The following MGMT variants were observed in gnomAD, a reference collection of about 807,000 sequenced individuals.
MGMT encodes methylated-DNA--protein-cysteine methyltransferase.
A neutral mutation model predicts 15.9 loss-of-function variants in MGMT; 14 were observed. The ratio of observed to expected loss-of-function variants is 0.88; its 90% confidence interval spans 0.58 to 1.37. The LOEUF (loss-of-function observed/expected upper bound fraction) is 1.37. Among genes scored for constraint, MGMT ranks in the 40% most tolerant of loss-of-function variants. The probability of loss-of-function intolerance (pLI) is 0.00; values close to 1 mark genes in which losing one functional copy is unlikely to be tolerated. For missense variants in MGMT, 282 were observed against 268.1 expected (o/e 1.05, Z -0.36); for synonymous variants, 130 against 118.2 (o/e 1.10, Z -0.65).
intron 2 of MGMT, among the ~76,000 whole-genome samples, chr10:129,579,774 T>C (rs191337387): frequency 2.6e-5 from 4 of 152,368 alleles, no homozygotes; most frequent in Non-Finnish European, 5.9e-5. Context: ...TTATGAGCTT[T>C]GGAGACTCTT....
At chr10:129,606,831 C>T (rs2133065545) in intron 2 of MGMT, among the ~76,000 whole-genome samples, 1 of 152,266 alleles carries the variant, frequency 6.6e-6, no homozygotes, top group African/African-American at 2.4e-5. Flanking sequence ...CTGTATTAAG[C>T]TGTGAAATGA....
chr10:129,653,085 G>T (rs1455262244), intron 2 of MGMT, among the ~76,000 whole-genome samples: 2 of 152,188 alleles, frequency 1.3e-5, no homozygotes, highest in Non-Finnish European at 1.5e-5. Context: ...TGGTCGTCCG[G>T]TCGGCTGTGA....
rs1845943556 is a variant in MGMT at position 129,532,542 on chromosome 10, C to A, written c.-12-3699C>A. ...CTCCGGGTGGGGGACACCCCATCCC[C>A]CATGCCCCTACTTCAGCTTGCTGGG... On this transcript the variant is annotated intron_variant, in intron 1 of 4. Transcript: ENST00000651593. The surrounding 1 kb of genome is among the most constrained non-coding windows in gnomAD (Gnocchi z 5.3). Among the ~76,000 whole-genome samples, 2 of 152,114 alleles carry A rather than the reference C, an allele frequency of 1.3e-5. No homozygotes were observed. The highest frequency in any genetic ancestry group is 6.5e-5 in the Admixed American group (1 of 15,278).
chr10:129,543,313 C>T (rs1362234472), intron 2 of MGMT, among the ~76,000 whole-genome samples: 5 of 152,178 alleles, frequency 3.3e-5, no homozygotes, highest in African/African-American at 1.2e-4. Flanking sequence ...CAGGCTGAGC[C>T]TTCCAAGTCG....
At chr10:129,516,103 A>G (rs1463922609) in intron 1 of MGMT, among the ~76,000 whole-genome samples, 1 of 152,044 alleles carries the variant, frequency 6.6e-6, no homozygotes, top group Non-Finnish European at 1.5e-5. Flanking sequence ...CAGTTTTTAT[A>G]TTAGTTCTTT....
intron 2 of MGMT, among the ~76,000 whole-genome samples, chr10:129,653,686 A>G (rs572891883): frequency 3.9e-5 from 6 of 152,326 alleles, no homozygotes; most frequent in Admixed American, 2.0e-4. Flanking sequence ...GTGATGGCCA[A>G]TGCTTCTGCT....
At chr10:129,474,849 G>A (rs955955600) in intron 1 of MGMT, among the ~76,000 whole-genome samples, 2 of 152,172 alleles carry the variant, frequency 1.3e-5, no homozygotes, top group Non-Finnish European at 2.9e-5. Flanking sequence ...ATTGACGAGG[G>A]TGGCTGGGCT....
intron 1 of MGMT, among the ~76,000 whole-genome samples, chr10:129,493,407 C>G (rs1845489156): frequency 6.6e-6 from 1 of 152,104 alleles, no homozygotes; most frequent in Admixed American, 6.5e-5. Context: ...TCCAAGTGCC[C>G]CGATTCTCTT....
At chr10:129,746,339 ATCTC>A (rs1440343615) in intron 3 of MGMT, among the ~76,000 whole-genome samples, 1 of 150,044 alleles carries the variant, frequency 6.7e-6, no homozygotes, top group African/African-American at 2.4e-5. Context: ...AGTTCAATTT[ATCTC>A]TCTCTTTTTT....
chr10:129,488,001 G>GTA (rs1491353705), intron 1 of MGMT, among the ~76,000 whole-genome samples: 1 of 32,088 alleles, frequency 3.1e-5, no homozygotes, highest in African/African-American at 9.1e-5. Flanking sequence ...ACACACATAG[G>GTA]TATACACACA....
At position 129,659,159 on chromosome 10, in the gene MGMT, C is replaced by G. The variant is rs1306932436; in HGVS notation, c.126-48736C>G. ...ATTACCTAAGGTCAGGAGTTCGAGA[C>G]CAGCCTGGCCAACACAGTGAAACCC... On this transcript the variant is annotated intron_variant, in intron 2 of 4. Coordinates refer to ENST00000651593, the MANE Select transcript of MGMT (RefSeq NM_002412.5). The surrounding 1 kb of genome is among the most constrained non-coding windows in gnomAD (Gnocchi z 4.1). Among the ~76,000 whole-genome samples, 1 of 152,092 alleles carries G rather than the reference C, an allele frequency of 6.6e-6. No homozygotes were observed. Among genetic ancestry groups the G allele is most frequent in the African/African-American group, 2.4e-5 (1 of 41,386 alleles).
At chr10:129,730,860 G>A (rs1393780419) in intron 3 of MGMT, among the ~76,000 whole-genome samples, 1 of 152,206 alleles carries the variant, frequency 6.6e-6, no homozygotes, top group Non-Finnish European at 1.5e-5. Flanking sequence ...TTCATACCAG[G>A]ACAGTCACAG....
At chr10:129,723,584 G>A (rs1419861670) in intron 3 of MGMT, among the ~76,000 whole-genome samples, 2 of 152,284 alleles carry the variant, frequency 1.3e-5, no homozygotes, top group South Asian at 4.1e-4. Context: ...ACTTCATTAA[G>A]TAAATGAGGA....
chr10:129,478,614 C>G (rs1421587611), intron 1 of MGMT, among the ~76,000 whole-genome samples: 1 of 152,220 alleles, frequency 6.6e-6, no homozygotes, highest in African/African-American at 2.4e-5. Flanking sequence ...AAAGGAAACT[C>G]AAATTGTCAG....
chr10:129,511,539 T>G (rs186205234), intron 1 of MGMT, among the ~76,000 whole-genome samples: 25 of 152,348 alleles, frequency 1.6e-4, no homozygotes, highest in Admixed American at 4.6e-4. Flanking sequence ...GCAGTGAGCT[T>G]CTTGATGGTC....
At chr10:129,691,645 G>A (rs1396076850) in intron 2 of MGMT, among the ~76,000 whole-genome samples, 1 of 152,192 alleles carries the variant, frequency 6.6e-6, no homozygotes, top group Non-Finnish European at 1.5e-5. Context: ...TGGCACAGGT[G>A]TCAGGGGTTT....
At chr10:129,722,071 A>G (rs80298864) in intron 3 of MGMT, among the ~76,000 whole-genome samples, 3,008 of 151,572 alleles carry the variant, frequency 0.02, 111 homozygotes, top group African/African-American at 0.068. Context: ...AGATGGAAGG[A>G]AAAAAAAAGG....
At chr10:129,692,251 G>A (rs1477959871) in intron 2 of MGMT, among the ~76,000 whole-genome samples, 1 of 152,206 alleles carries the variant, frequency 6.6e-6, no homozygotes, top group Non-Finnish European at 1.5e-5. Context: ...CCAGCAGAGA[G>A]TGGTCAGGAA....
In MGMT at chr10:129,510,836, G is replaced by A. The variant is rs973796829; in HGVS notation, c.-12-25405G>A. Among the ~76,000 whole-genome samples, 3 of 149,216 alleles carry A rather than the reference G, an allele frequency of 2.0e-5. No individual in the cohort carries two copies. The South Asian group carries it at 6.5e-4, about 32-fold the overall frequency. On this transcript the variant is annotated intron_variant, in intron 1 of 4. Transcript: ENST00000651593. ...AACCCGGTATACTAGACGCAGGCAC[G>A]TGCTTCATGCAGTAGGAACCCCATA...
Sources: allele counts gnomAD v4.1 joint callset (sites outside exome capture counted in the v4.1 genomes callset), GRCh38; gene constraint gnomAD v4.1.1; non-coding constraint Gnocchi (gnomAD v3.1); transcripts MANE v1.5; gene names NCBI Gene and HGNC (gene_info 2026-07-23, HGNC 2026-07-21).